DNM2: variants seen among roughly 807,000 people sequenced by gnomAD.
The protein encoded by DNM2 is dynamin 2, also known as dynamin-2.
DNM2 carries 15 observed loss-of-function variants against 99.0 expected under a neutral mutation model. The observed-to-expected ratio is 0.15, with a 90% confidence interval of 0.10 to 0.23. DNM2 has a LOEUF of 0.23. Among genes scored for constraint, DNM2 ranks in the 10% least tolerant of loss-of-function variants. DNM2 has a pLI of 1.00. For missense variants in DNM2, 742 were observed against 1,189.4 expected, an observed-to-expected ratio of 0.62 and a Z score of 5.53; for synonymous variants, 525 against 481.2, an observed-to-expected ratio of 1.09 and a Z score of -1.19.
At chr19:10,802,471 G>A (rs1396678891) in intron 12 of DNM2, 113 bp downstream of exon 12, 24 of 1,214,946 alleles carry the variant, frequency 2.0e-5, no homozygotes, top group East Asian at 4.7e-5. Context: ...AGTCTCTGTC[G>A]GGGGTCCTGG....
intron 2 of DNM2, among the ~76,000 whole-genome samples, chr19:10,761,763 A>C (rs538521603): frequency 6.6e-6 from 1 of 152,226 alleles, no homozygotes; most frequent in Non-Finnish European, 1.5e-5. Flanking sequence ...TGGCCTCCCA[A>C]GACTCCTCAC....
rs919370114 is a variant in DNM2 at position 10,729,164 on chromosome 19, CAAAAAAAA to C, written c.161+10780_161+10787del. Among the ~76,000 whole-genome samples the C allele has an allele frequency of 1.6e-3, 69 of 44,426 alleles. 1 individual carries two copies. The highest frequency in any genetic ancestry group is 4.5e-3 in the African/African-American group (55 of 12,310). 29.1% of individuals were successfully genotyped at this position (44,426 alleles called of 152,430 possible). On this transcript the variant is annotated intron_variant, in intron 1 of 20. Coordinates refer to ENST00000389253, the MANE Select transcript of DNM2 (RefSeq NM_001005361.3). ...TGGGCGACAGAGCGAGACTCCGTCT[CAAAAAAAA>C]AAAAAAAAAAAAAAAAAATATAAAA... is the stretch of plus-strand genomic sequence containing the variant.
Position 10,725,684 on chromosome 19 carries a change from T to C in DNM2, c.161+7281T>C, listed in dbSNP as rs145519283. On this transcript the variant is annotated intron_variant, in intron 1 of 20. Transcript: ENST00000389253. ...AGTGGACTGAGAATCACGTAGCAAATTGTTGTGAAACAGGCAGCATTTGTG... is the reference window on the plus strand; with the variant it reads ...AGTGGACTGAGAATCACGTAGCAAACTGTTGTGAAACAGGCAGCATTTGTG... Among the ~76,000 whole-genome samples the C allele has an allele frequency of 3.3e-5, 5 of 152,136 alleles. No homozygotes were observed. In the East Asian group the frequency reaches 9.7e-4, roughly 29 times the overall value.
At chr19:10,733,368 T>C (rs2069406794) in intron 1 of DNM2, among the ~76,000 whole-genome samples, 1 of 149,482 alleles carries the variant, frequency 6.7e-6, no homozygotes, top group African/African-American at 2.5e-5. Flanking sequence ...TTTTTTTTTA[T>C]TTTCGGTAGA....
At chr19:10,791,412 C>T (rs934971582) in intron 7 of DNM2, among the ~76,000 whole-genome samples, 8 of 152,108 alleles carry the variant, frequency 5.3e-5, no homozygotes, top group African/African-American at 1.9e-4. Flanking sequence ...TATAAGGACA[C>T]CAGTTATATT....
rs113819107 is a variant in DNM2, at chr19:10,724,558, G to A, written c.161+6155G>A. Among the ~76,000 whole-genome samples the A allele has an allele frequency of 1.8e-4, 27 of 152,304 alleles. No homozygotes were observed. In the East Asian group the frequency reaches 2.1e-3, roughly 12 times the overall value. On this transcript the variant is annotated intron_variant, in intron 1 of 20. Coordinates refer to ENST00000389253, the MANE Select transcript of DNM2 (RefSeq NM_001005361.3). ...AGGCGAGGAAGGAACCCCTGGAGAC[G>A]GGAAGAGAATCCAGTGCAAAGGTCC...
In DNM2 at chr19:10,829,187, G is replaced by T; in HGVS notation, c.2210G>T (p.Gly737Val). The T allele has an allele frequency of 6.2e-7, 1 of 1,614,046 alleles. No individual in the cohort carries two copies. Among genetic ancestry groups the T allele is most frequent in the Admixed American group, 1.7e-5 (1 of 60,020 alleles). Residue 737 changes from glycine to valine, a missense_variant, in exon 19 of 21, where the codon GGT (glycine) becomes GTT (valine). Gly to Val is a moderately radical substitution (Grantham distance 109, BLOSUM62 -3). Coordinates refer to ENST00000389253, the MANE Select transcript of DNM2 (RefSeq NM_001005361.3). ...HALKEALNII[G>V]DISTSTVSTP... ...CTCAAGGAGGCGCTCAACATCATCGGTGACATCAGCACCAGCACTGTGTCC... is the reference window on the plus strand; with the variant it reads ...CTCAAGGAGGCGCTCAACATCATCGTTGACATCAGCACCAGCACTGTGTCC...
chr19:10,759,534 A>G (rs1599494793), intron 1 of DNM2: 6 of 646,574 alleles, frequency 9.3e-6, no homozygotes, highest in East Asian at 8.1e-5. Context: ...TCTGGTCACT[A>G]TGACCTTCCA....
At chr19:10,745,804 A>G (rs991077282) in intron 1 of DNM2, among the ~76,000 whole-genome samples, 2 of 152,218 alleles carry the variant, frequency 1.3e-5, no homozygotes, top group African/African-American at 4.8e-5. Context: ...AGTAGGGGAC[A>G]GACCTCTCTG....
rs1490836808 is a variant in DNM2 at position 10,797,477 on chromosome 19, G to A, written c.1294G>A (p.Val432Ile). 6.2e-7 allele frequency: 1 copy of A among 1,611,544 alleles called. No individual in the cohort carries two copies. The highest frequency in any genetic ancestry group is 8.5e-7 in the Non-Finnish European group (1 of 1,179,314). The change falls in exon 10 of 21, where the codon GTC becomes ATC. Residue 432 changes from valine (V) to isoleucine (I), a missense_variant. By Grantham distance (29) the Val-to-Ile change is conservative. This residue lies in a region of DNM2 where 240 missense variants were observed against 431.3 expected (regional missense o/e 0.56). Coordinates refer to ENST00000389253, the MANE Select transcript of DNM2 (RefSeq NM_001005361.3). Reference sequence around the variant, plus strand: ...GAGTTTGAAGTGTGTTGATCTCGTGGTCTCAGAGCTGGCCACGGTCATAAA... The same window carrying A: ...GAGTTTGAAGTGTGTTGATCTCGTGATCTCAGAGCTGGCCACGGTCATAAA... ...EPSLKCVDLV[V>I]SELATVIKKC... is the part of the protein sequence containing the mutation.
chr19:10,801,782 G>A (rs887158224), intron 11 of DNM2, among the ~76,000 whole-genome samples: 1 of 151,402 alleles, frequency 6.6e-6, no homozygotes, highest in African/African-American at 2.4e-5. Flanking sequence ...GCAGGCACCT[G>A]TAATCCCAGC....
At position 10,830,948 on chromosome 19, in the gene DNM2, C is replaced by G; in HGVS notation, c.2544-30C>G. ...GCTCCCGGCCTCACTGCCGTCTCCC[C>G]CTCCCCACCTGTCTTTATTCTCTTT... On this transcript the variant is annotated intron_variant, in intron 20 of 20. Transcript: ENST00000389253. This position sits in a 1 kb window ranked among gnomAD's most constrained non-coding sequence, Gnocchi z 4.8. 9 of 1,601,136 alleles carry G rather than the reference C, an allele frequency of 5.6e-6. No homozygotes were observed. The highest frequency in any genetic ancestry group is 7.7e-6 in the Non-Finnish European group (9 of 1,173,738).
At chr19:10,822,570 C>G (rs2073009825) in intron 16 of DNM2, among the ~76,000 whole-genome samples, 1 of 151,968 alleles carries the variant, frequency 6.6e-6, no homozygotes, top group Admixed American at 6.6e-5. Context: ...ACAATCTTGG[C>G]TCACTGCAAC....
intron 15 of DNM2, among the ~76,000 whole-genome samples, chr19:10,813,248 C>T (rs1023593477): frequency 2.6e-5 from 4 of 152,168 alleles, no homozygotes; most frequent in African/African-American, 9.7e-5. Flanking sequence ...GTGTTGAGTG[C>T]TGAGTCATGG....
At position 10,775,934 on chromosome 19, in the gene DNM2, C is replaced by T; in HGVS notation, c.589+28C>T. 1.9e-6 allele frequency: 3 copies of T among 1,604,962 alleles called. No individual in the cohort carries two copies. The highest frequency in any genetic ancestry group is 2.5e-6 in the Non-Finnish European group (3 of 1,179,652). On this transcript the variant is annotated intron_variant, in intron 4 of 20. Coordinates refer to ENST00000389253, the MANE Select transcript of DNM2 (RefSeq NM_001005361.3). This position sits in a 1 kb window ranked among gnomAD's most constrained non-coding sequence, Gnocchi z 4.3. ...AACCCTGAGCCTAGGGCAGTCCCCT[C>T]TTCCAGGTGCCTCTGAGCATGGGAT...
chr19:10,744,830 C>G (rs1330197865), intron 1 of DNM2, among the ~76,000 whole-genome samples: 1 of 152,130 alleles, frequency 6.6e-6, no homozygotes, highest in Admixed American at 6.5e-5. Context: ...CAGGCCACCC[C>G]TTGCAGTGGG....
intron 12 of DNM2, 97 bp from the exon 13 acceptor site, chr19:10,805,819 A>T (rs1599589530): frequency 3.3e-6 from 5 of 1,510,286 alleles, no homozygotes; most frequent in Non-Finnish European, 4.6e-6. Flanking sequence ...GTGGCTGCTC[A>T]CTTGGTCCCC....
At position 10,812,173 on chromosome 19, in the gene DNM2, C is replaced by A; in HGVS notation, c.1558-91C>A. The A allele has an allele frequency of 8.8e-7, 1 of 1,137,598 alleles. No individual in the cohort carries two copies. Among genetic ancestry groups the A allele is most frequent in the Non-Finnish European group, 1.3e-6 (1 of 788,160 alleles). 70.5% of individuals were successfully genotyped at this position (1,137,598 alleles called of 1,614,324 possible). A position where few individuals can be genotyped will look rare whatever the true frequency, so the allele number is the denominator to read the frequency against. ...GAGGTGTCTCTATTGCGGTCCCTGG[C>A]TTCCCACTGAGCTGTGGGCAAGGCT... On this transcript the variant is annotated intron_variant, in intron 14 of 20. Transcript: ENST00000389253. The surrounding 1 kb of genome is among the most constrained non-coding windows in gnomAD (Gnocchi z 4.0).
In DNM2 at chr19:10,797,513, G is replaced by C; in HGVS notation, c.1330G>C (p.Glu444Gln). ...GGCCACGGTCATAAAAAAGTGTGCCGAGAAGGTAACAGGTTTTGTTCTCAT... is the reference window on the plus strand; with the variant it reads ...GGCCACGGTCATAAAAAAGTGTGCCCAGAAGGTAACAGGTTTTGTTCTCAT... The part of the protein sequence containing the change: ...ELATVIKKCA[E>Q]KLSSYPRLRE... The change falls in exon 10 of 21, where the codon GAG (glutamate) becomes CAG (glutamine). Residue 444 changes from glutamate to glutamine, a missense_variant. Glu to Gln is a conservative substitution (Grantham distance 29, BLOSUM62 2). Transcript: ENST00000389253. The C allele has an allele frequency of 6.2e-7, 1 of 1,613,942 alleles. No individual in the cohort carries two copies. Among genetic ancestry groups the C allele is most frequent in the Non-Finnish European group, 8.5e-7 (1 of 1,179,992 alleles).
Sources: gnomAD v4.1 joint callset for allele counts (sites outside exome capture counted in the v4.1 genomes callset) on GRCh38, gnomAD v4.1.1 for gene constraint, gnomAD v4.1.1 regional missense constraint, Gnocchi (gnomAD v3.1) non-coding constraint, MANE v1.5 for transcripts, NCBI Gene and HGNC (gene_info 2026-07-23, HGNC 2026-07-21) for gene names.